The following DOCK7 variants were observed in gnomAD, a reference collection of about 807,000 sequenced individuals.
DOCK7 encodes dedicator of cytokinesis 7, also known as dedicator of cytokinesis protein 7.
In DOCK7, 138 loss-of-function variants were observed where a neutral mutation model predicts 271.0. The observed-to-expected ratio is 0.51, with a 90% confidence interval of 0.44 to 0.59. DOCK7 has a LOEUF of 0.59. Among genes scored for constraint, DOCK7 ranks in the 20% least tolerant of loss-of-function variants. The pLI, the probability that DOCK7 is intolerant of heterozygous loss-of-function variation, is 0.00. For synonymous variants in DOCK7, 823 were observed against 876.1 expected (o/e 0.94, Z 1.07); for missense variants, 2,066 against 2,592.4 (o/e 0.80, Z 4.41).
intron 14 of DOCK7, among the ~76,000 whole-genome samples, chr1:62,590,009 G>T (rs545389061): frequency 7.9e-5 from 12 of 151,826 alleles, no homozygotes; most frequent in African/African-American, 2.7e-4. Context: ...AAGACCGAAA[G>T]GGCACCCATA....
At chr1:62,556,944 A>C (rs1646163320) in intron 20 of DOCK7, among the ~76,000 whole-genome samples, 5 of 152,180 alleles carry the variant, frequency 3.3e-5, no homozygotes. Flanking sequence ...AGCTACTCCA[A>C]GTTACAAGAA....
intron 29 of DOCK7, among the ~76,000 whole-genome samples, chr1:62,534,336 C>T (rs952304222): frequency 6.6e-6 from 1 of 150,376 alleles, no homozygotes; most frequent in African/African-American, 2.4e-5. Flanking sequence ...ATCATTAGGT[C>T]GGTGCAGTGG....
At chr1:62,499,621 C>T (rs1236757073) in intron 37 of DOCK7, among the ~76,000 whole-genome samples, 2 of 152,062 alleles carry the variant, frequency 1.3e-5, no homozygotes, top group Non-Finnish European at 2.9e-5. Flanking sequence ...CATCTGAAAT[C>T]CCAGCACTTT....
intron 43 of DOCK7, chr1:62,479,680 A>T: frequency 2.9e-6 from 1 of 341,890 alleles, no homozygotes; most frequent in Non-Finnish European, 6.1e-6. Flanking sequence ...TTTTTTATTT[A>T]TTTTTAGTTT....
chr1:62,688,182 C>T (rs1238507310), intron 1 of DOCK7, 45 bp downstream of exon 1: 4 of 1,354,160 alleles, frequency 3.0e-6, no homozygotes, highest in Non-Finnish European at 3.8e-6. Flanking sequence ...CTCCGCGGCT[C>T]TTTCTCGGGC....
At chr1:62,671,216 T>G (rs1221442932) in intron 1 of DOCK7, among the ~76,000 whole-genome samples, 1 of 152,180 alleles carries the variant, frequency 6.6e-6, no homozygotes, top group Non-Finnish European at 1.5e-5. Flanking sequence ...GCTTCATTCT[T>G]GAAGTCAGTG....
chr1:62,527,931 A>T (rs1645062292), intron 31 of DOCK7, among the ~76,000 whole-genome samples: 1 of 151,950 alleles, frequency 6.6e-6, no homozygotes, highest in African/African-American at 2.4e-5. Flanking sequence ...CCAAATTCTG[A>T]ATGACAGAAT....
At chr1:62,500,086 A>G (rs1395036116) in intron 37 of DOCK7, among the ~76,000 whole-genome samples, 2 of 152,350 alleles carry the variant, frequency 1.3e-5, no homozygotes, top group Non-Finnish European at 2.9e-5. Context: ...GCTTGGGCCA[A>G]GATAACCCAG....
chr1:62,479,760 T>C lies in DOCK7; in HGVS notation c.5509-1935A>G. 2 of 371,702 alleles carry C rather than the reference T, an allele frequency of 5.4e-6. 1 individual carries two copies. The highest frequency in any genetic ancestry group is 4.1e-5 in the South Asian group (2 of 49,088). 23.0% of individuals were successfully genotyped at this position (371,702 alleles called of 1,614,324 possible). A position where few individuals can be genotyped will look rare whatever the true frequency, so the allele number is the denominator to read the frequency against. ...ATACAGTGGTGCAACCACAGCTCACTACAGCTTCTGTCTCCTGGGCTCAAG... is the reference window on the plus strand; with the variant it reads ...ATACAGTGGTGCAACCACAGCTCACCACAGCTTCTGTCTCCTGGGCTCAAG... On this transcript the variant is annotated intron_variant, in intron 43 of 49. Coordinates refer to ENST00000635253, the MANE Select transcript of DOCK7 (RefSeq NM_001367561.1).
chr1:62,504,373 A>G (rs530244717), intron 37 of DOCK7, among the ~76,000 whole-genome samples: 2 of 152,336 alleles, frequency 1.3e-5, no homozygotes, highest in South Asian at 2.1e-4. Context: ...ATTAAAATTT[A>G]AAACTGCTCA....
At chr1:62,646,268 C>T (rs749150659) in intron 7 of DOCK7, among the ~76,000 whole-genome samples, 5 of 151,886 alleles carry the variant, frequency 3.3e-5, no homozygotes, top group Admixed American at 6.6e-5. Flanking sequence ...TATAATTCCA[C>T]TTACATGAAA....
chr1:62,596,660 TA>T (rs2149522856), intron 14 of DOCK7, among the ~76,000 whole-genome samples: 1 of 152,256 alleles, frequency 6.6e-6, no homozygotes, highest in African/African-American at 2.4e-5. Context: ...AAAATGTTAT[TA>T]ATCTCCTCTT....
intron 31 of DOCK7, among the ~76,000 whole-genome samples, chr1:62,525,201 G>C (rs1042749302): frequency 2.0e-5 from 3 of 151,376 alleles, no homozygotes; most frequent in African/African-American, 7.3e-5. Flanking sequence ...TAGAGATCAG[G>C]TTTTACCATG....
chr1:62,621,065 C>T (rs941606461), intron 12 of DOCK7, among the ~76,000 whole-genome samples: 5 of 151,330 alleles, frequency 3.3e-5, no homozygotes, highest in African/African-American at 1.2e-4. Flanking sequence ...CTTTATATCA[C>T]AAATTTCTCC....
intron 41 of DOCK7, among the ~76,000 whole-genome samples, chr1:62,489,603 A>ATG (rs1293315887): frequency 1.3e-5 from 2 of 152,178 alleles, no homozygotes; most frequent in East Asian, 3.8e-4. Context: ...AGATATGTGT[A>ATG]TGTGTGTGTA....
intron 7 of DOCK7, among the ~76,000 whole-genome samples, chr1:62,638,693 A>G (rs1464374457): frequency 1.3e-5 from 2 of 148,440 alleles, no homozygotes; most frequent in African/African-American, 4.9e-5. Flanking sequence ...ATATGAAAAT[A>G]GGAAACTTGA....
In DOCK7 at chr1:62,487,430, A is replaced by G; in HGVS notation, c.5494-18T>C. ...CCAGTACTCTGTATAATAAAAAGTA[A>G]AAAAGGGCAAGTCATAAAAAAACTG... On this transcript the variant is annotated intron_variant, in intron 42 of 49. Transcript: ENST00000635253. 6.2e-7 allele frequency: 1 copy of G among 1,610,662 alleles called. No homozygotes were observed. The highest frequency in any genetic ancestry group is 8.5e-7 in the Non-Finnish European group (1 of 1,177,710).
chr1:62,662,059 T>A (rs893437056), intron 2 of DOCK7, among the ~76,000 whole-genome samples: 2 of 152,196 alleles, frequency 1.3e-5, no homozygotes, highest in African/African-American at 4.8e-5. Context: ...TATAAGTCGA[T>A]CAAACTGTTA....
intron 18 of DOCK7, among the ~76,000 whole-genome samples, chr1:62,562,039 T>C (rs2149444948): frequency 6.6e-6 from 1 of 151,958 alleles, no homozygotes; most frequent in African/African-American, 2.4e-5. Flanking sequence ...CATTTGTATA[T>C]ACTTAACACC....
Sources: gnomAD v4.1 joint callset for allele counts (sites outside exome capture counted in the v4.1 genomes callset) on GRCh38, gnomAD v4.1.1 for gene constraint, MANE v1.5 for transcripts, NCBI Gene and HGNC (gene_info 2026-07-23, HGNC 2026-07-21) for gene names.